The following CFAP77 variants were observed in gnomAD, a reference collection of about 807,000 sequenced individuals.
The protein encoded by CFAP77 is cilia and flagella associated protein 77.
A neutral mutation model predicts 31.1 loss-of-function variants in CFAP77; 25 were observed. The ratio of observed to expected loss-of-function variants is 0.80; its 90% CI spans 0.59 to 1.12. The LOEUF (loss-of-function observed/expected upper bound fraction) is 1.12. Among genes scored for constraint, CFAP77 ranks in the 50% most tolerant of loss-of-function variants. The pLI is 0.00. For missense variants in CFAP77, 377 were observed against 397.3 expected, an observed-to-expected ratio of 0.95 and a Z score of 0.44; for synonymous variants, 151 against 159.9, an observed-to-expected ratio of 0.94 and a Z score of 0.42.
chr9:132,506,410 T>C (rs1851930970), intron 3 of CFAP77, among the ~76,000 whole-genome samples: 1 of 152,086 alleles, frequency 6.6e-6, no homozygotes, highest in Non-Finnish European at 1.5e-5. Flanking sequence ...CTGCTCCTAA[T>C]TGGCCCGGCA....
rs976358690 is a variant in CFAP77 at position 132,517,274 on chromosome 9, C to T, written c.524+17674C>T. On this transcript the variant is annotated intron_variant, in intron 3 of 5. Transcript: ENST00000393216. The surrounding 1 kb of genome is among the most constrained non-coding windows in gnomAD (Gnocchi z 4.7). ...TGCGAGGGTGCCAGCAACTCCCCGG[C>T]CCCCGGGAGCAGCAGACTGCTGGCA... 1.3e-5 allele frequency among the ~76,000 whole-genome samples: 2 copies of T among 152,176 alleles called. No homozygotes were observed. Among genetic ancestry groups the T allele is most frequent in the African/African-American group, 4.8e-5 (2 of 41,450 alleles).
At position 132,455,746 on chromosome 9, in the gene CFAP77, A is replaced by G. The variant is rs752700914; in HGVS notation, c.196-42949A>G. The stretch of plus-strand genomic sequence containing the variant: ...ACTGTCTCAAAAACAAAACAAAACA[A>G]AAAAGCAAAACGAACCCCAAATGTC... On this transcript the variant is annotated intron_variant, in intron 1 of 5. Coordinates refer to ENST00000393216, the MANE Select transcript of CFAP77 (RefSeq NM_001282957.2). This position sits in a 1 kb window ranked among gnomAD's most constrained non-coding sequence, Gnocchi z 4.1. Among the ~76,000 whole-genome samples the G allele has an allele frequency of 6.6e-6, 1 of 151,970 alleles. No homozygotes were observed. The highest frequency in any genetic ancestry group is 1.5e-5 in the Non-Finnish European group (1 of 67,972).
intron 3 of CFAP77, among the ~76,000 whole-genome samples, chr9:132,531,876 A>G (rs1164797336): frequency 6.6e-6 from 1 of 152,132 alleles, no homozygotes; most frequent in Non-Finnish European, 1.5e-5. Context: ...GGAGCTAGAC[A>G]TGAGGATGTC....
chr9:132,530,136 CTTTT>C (rs750962954), intron 3 of CFAP77, among the ~76,000 whole-genome samples: 2 of 93,268 alleles, frequency 2.1e-5, no homozygotes, highest in Non-Finnish European at 4.1e-5. Flanking sequence ...TCTTTCTTTT[CTTTT>C]TTTTTTTTTT....
chr9:132,556,576 AC>A (rs968412490), intron 5 of CFAP77, among the ~76,000 whole-genome samples: 3 of 150,412 alleles, frequency 2.0e-5, no homozygotes, highest in African/African-American at 7.4e-5. Flanking sequence ...ACTCTCTCCC[AC>A]CCCACCCCCC....
chr9:132,438,541 A>ATATATATATATATATATATATATATTTT, intron 1 of CFAP77, among the ~76,000 whole-genome samples: 15 of 108,108 alleles, frequency 1.4e-4, no homozygotes, highest in African/African-American at 2.4e-4. Context: ...ATATATATAT[A>ATATATATATATATATATATATATATTTT]TTTTTTTTTT....
chr9:132,444,876 C>T (rs1589853912), intron 1 of CFAP77, among the ~76,000 whole-genome samples: 1 of 152,040 alleles, frequency 6.6e-6, no homozygotes. Context: ...AGCTCCAGAA[C>T]TCTTTTCATC....
intron 3 of CFAP77, among the ~76,000 whole-genome samples, chr9:132,512,606 T>G (rs1019688788): frequency 2.6e-5 from 4 of 152,214 alleles, no homozygotes; most frequent in African/African-American, 9.6e-5. Context: ...TGTTGGCCCC[T>G]TATGTTTTTG....
chr9:132,548,678 GC>G (rs200634896), intron 5 of CFAP77, among the ~76,000 whole-genome samples: 9,754 of 141,872 alleles, frequency 0.069, 362 homozygotes, highest in Non-Finnish European at 0.089. Flanking sequence ...CTGTTGGCTG[GC>G]GGGGGGGTCT....
intron 3 of CFAP77, among the ~76,000 whole-genome samples, chr9:132,503,745 G>A (rs961187925): frequency 2.0e-5 from 3 of 152,052 alleles, no homozygotes; most frequent in Non-Finnish European, 2.9e-5. Flanking sequence ...TCAACCCTTA[G>A]TATGTTTATA....
chr9:132,411,903 G>C (rs1322732718), intron 1 of CFAP77, among the ~76,000 whole-genome samples: 1 of 151,786 alleles, frequency 6.6e-6, no homozygotes, highest in Non-Finnish European at 1.5e-5. Flanking sequence ...ACATGCATAT[G>C]CATTTGTGTA....
chr9:132,466,325 G>T (rs1263887720), intron 1 of CFAP77, among the ~76,000 whole-genome samples: 1 of 152,114 alleles, frequency 6.6e-6, no homozygotes, highest in Non-Finnish European at 1.5e-5. Flanking sequence ...GACCCATCCC[G>T]GGATGCCTTT....
chr9:132,440,976 T>G (rs1207028379), intron 1 of CFAP77, among the ~76,000 whole-genome samples: 1 of 152,134 alleles, frequency 6.6e-6, no homozygotes, highest in Non-Finnish European at 1.5e-5. Flanking sequence ...AGCTGTTGAG[T>G]GACAGTCTAG....
intron 3 of CFAP77, among the ~76,000 whole-genome samples, chr9:132,509,711 G>A (rs1037406367): frequency 2.2e-4 from 33 of 152,214 alleles, no homozygotes; most frequent in African/African-American, 7.5e-4. Flanking sequence ...CGAGGTTGCA[G>A]TGAGTCAAGA....
chr9:132,491,106 C>T (rs533974778), intron 1 of CFAP77, among the ~76,000 whole-genome samples: 20 of 152,274 alleles, frequency 1.3e-4, no homozygotes, highest in Non-Finnish European at 2.5e-4. Context: ...GTTCCCGCCA[C>T]TCACAACTCT....
chr9:132,507,669 A>G (rs1465629838), intron 3 of CFAP77, among the ~76,000 whole-genome samples: 1 of 152,130 alleles, frequency 6.6e-6, no homozygotes, highest in Non-Finnish European at 1.5e-5. Context: ...TTTCTCCTGG[A>G]TCCGATGGCC....
intron 1 of CFAP77, among the ~76,000 whole-genome samples, chr9:132,452,358 C>T (rs544180365): frequency 3.9e-5 from 6 of 152,278 alleles, no homozygotes; most frequent in South Asian, 2.1e-4. Flanking sequence ...TTGGTTTGGG[C>T]ACTGATGTTA....
Position 132,424,146 on chromosome 9 carries a change from G to A in CFAP77, c.195+13680G>A, listed in dbSNP as rs763054995. Among the ~76,000 whole-genome samples the A allele has an allele frequency of 1.3e-5, 2 of 152,180 alleles. No individual in the cohort carries two copies. The highest frequency in any genetic ancestry group is 1.5e-5 in the Non-Finnish European group (1 of 68,036). On this transcript the variant is annotated intron_variant, in intron 1 of 5. Coordinates refer to ENST00000393216, the MANE Select transcript of CFAP77 (RefSeq NM_001282957.2). The surrounding 1 kb of genome is among the most constrained non-coding windows in gnomAD (Gnocchi z 4.1). ...TAGGAGGCCGGGTGTGGTGGCTCAC[G>A]CCTGTAATCGCAGCACTTTGGGAGG... is the stretch of plus-strand genomic sequence containing the variant.
chr9:132,468,689 G>A (rs373854087), intron 1 of CFAP77, among the ~76,000 whole-genome samples: 17 of 152,238 alleles, frequency 1.1e-4, no homozygotes, highest in Admixed American at 3.3e-4. Context: ...TGTAAGCATC[G>A]TGAAGGACTA....
Sources: gnomAD v4.1 joint callset for allele counts (sites outside exome capture counted in the v4.1 genomes callset) on GRCh38, gnomAD v4.1.1 for gene constraint, Gnocchi (gnomAD v3.1) non-coding constraint, MANE v1.5 for transcripts, NCBI Gene and HGNC (gene_info 2026-07-23, HGNC 2026-07-21) for gene names.